The following SYNE1 variants were observed in gnomAD, a reference collection of about 807,000 sequenced individuals.
The protein encoded by SYNE1 is spectrin repeat containing nuclear envelope protein 1.
A neutral mutation model predicts 1,111.0 loss-of-function variants in SYNE1; 616 were observed. The observed-to-expected ratio is 0.55, with a 90% CI of 0.52 to 0.59. SYNE1 has a LOEUF of 0.59. Ranked by LOEUF, SYNE1 falls within the 20% of genes least tolerant of loss-of-function variation. The pLI, the probability that SYNE1 is intolerant of heterozygous loss-of-function variation, is 0.00. For synonymous variants in SYNE1, 3,855 were observed against 3,825.8 expected, an observed-to-expected ratio of 1.01 and a Z score of -0.28; for missense variants, 10,006 against 10,417.0, an observed-to-expected ratio of 0.96 and a Z score of 1.72.
chr6:152,488,835 T>C (rs2154301021), intron 11 of SYNE1, among the ~76,000 whole-genome samples: 1 of 152,236 alleles, frequency 6.6e-6, no homozygotes, highest in South Asian at 2.1e-4. Context: ...AACACAGTCC[T>C]GTGGGTTGCT....
rs2098102360 is a variant in SYNE1, at chr6:152,413,445, G to T, written c.6137C>A (p.Ala2046Asp). The T allele has an allele frequency of 6.8e-6, 11 of 1,613,962 alleles. No individual in the cohort carries two copies. Among genetic ancestry groups the T allele is most frequent in the Non-Finnish European group, 7.6e-6 (9 of 1,180,016 alleles). Residue 2046 changes from alanine to aspartate, a missense_variant, in exon 42 of 146, where the codon GCC (alanine) becomes GAC (aspartate). Transcript: ENST00000367255. Reference sequence around the variant, plus strand: ...AGGTGCAAAAGCTACATCTTTCTGGGCAATTTGCTTGGCTTTGTCTTTCAA... The same window carrying T: ...AGGTGCAAAAGCTACATCTTTCTGGTCAATTTGCTTGGCTTTGTCTTTCAA... ...CWLKDKAKQI[A>D]QKDVAFAPEV...
intron 3 of SYNE1, among the ~76,000 whole-genome samples, chr6:152,610,078 T>C (rs531987025): frequency 6.6e-6 from 1 of 152,182 alleles, no homozygotes; most frequent in Non-Finnish European, 1.5e-5. Context: ...AACACCAGAG[T>C]GCCTCTTCTC....
chr6:152,161,803 G>A (rs1288794814), intron 131 of SYNE1, among the ~76,000 whole-genome samples: 2 of 152,138 alleles, frequency 1.3e-5, no homozygotes, highest in African/African-American at 4.8e-5. Flanking sequence ...GTTACCTTAA[G>A]TATCACTAAT....
At chr6:152,617,466 T>C (rs1583507501) in intron 3 of SYNE1, among the ~76,000 whole-genome samples, 1 of 152,232 alleles carries the variant, frequency 6.6e-6, no homozygotes, top group African/African-American at 2.4e-5. Flanking sequence ...ACAAAGTCTG[T>C]AAGTTACGTT....
At position 152,521,913 on chromosome 6, in the gene SYNE1, T is replaced by C. The variant is rs77004545; in HGVS notation, c.226-1371A>G. ...ATTTTTGTGTCTTATTGAATAATTG[T>C]TTTCCTATCCCTGTGTCTAAAACAT... On this transcript the variant is annotated intron_variant, in intron 5 of 145. Coordinates refer to ENST00000367255, the MANE Select transcript of SYNE1 (RefSeq NM_182961.4). 4.2e-3 allele frequency among the ~76,000 whole-genome samples: 633 copies of C among 152,250 alleles called. 4 individuals carry two copies. The highest frequency in any genetic ancestry group is 0.014 in the African/African-American group (601 of 41,564).
At chr6:152,574,029 A>G (rs1320810707) in intron 3 of SYNE1, among the ~76,000 whole-genome samples, 1 of 152,064 alleles carries the variant, frequency 6.6e-6, no homozygotes, top group Non-Finnish European at 1.5e-5. Context: ...TTTATGAGTT[A>G]CAGATTCTTA....
intron 87 of SYNE1, among the ~76,000 whole-genome samples, chr6:152,314,505 C>T (rs1169620675): frequency 6.6e-6 from 1 of 152,146 alleles, no homozygotes; most frequent in Non-Finnish European, 1.5e-5. Flanking sequence ...TGGGCTCCTT[C>T]AGCACCTGGG....
In SYNE1 at chr6:152,401,139, T is replaced by C. The variant is rs1454611588; in HGVS notation, c.7028A>G (p.Lys2343Arg). The stretch of plus-strand genomic sequence containing the variant: ...ACTTAATGATAGTTTATTACCTACC[T>C]TGACTTTTTTCAATGCTTCACAAGT... ...NETCEALKKV[K>R]DIQKELQSQQ... is the part of the protein sequence containing the mutation. Residue 2343 changes from lysine (K) to arginine (R), a missense_variant and splice_region_variant, in exon 47 of 146, where the codon AAG (lysine) becomes AGG (arginine). This residue lies in a region of SYNE1 where 4,955 missense variants were observed against 5,017.2 expected (regional missense o/e 0.99). Coordinates refer to ENST00000367255, the MANE Select transcript of SYNE1 (RefSeq NM_182961.4). 1 of 1,613,842 alleles carries C rather than the reference T, an allele frequency of 6.2e-7. No homozygotes were observed.
chr6:152,534,975 A>G (rs1296141560), intron 4 of SYNE1, among the ~76,000 whole-genome samples: 1 of 152,268 alleles, frequency 6.6e-6, no homozygotes, highest in Non-Finnish European at 1.5e-5. Flanking sequence ...GGAATCTGTT[A>G]TAGGTTGAAT....
At chr6:152,353,533 C>A in intron 68 of SYNE1, 56 bp downstream of exon 68, 1 of 1,613,970 alleles carries the variant, frequency 6.2e-7, no homozygotes, top group Non-Finnish European at 8.5e-7. Context: ...GAAAGGAAGG[C>A]TATTTTGGCT....
At chr6:152,393,227 TG>T (rs1038204983) in intron 51 of SYNE1, among the ~76,000 whole-genome samples, 24 of 152,168 alleles carry the variant, frequency 1.6e-4, no homozygotes, top group African/African-American at 5.8e-4. Flanking sequence ...GAAGTATATT[TG>T]GGCCACTTTC....
chr6:152,192,035 C>A (rs920551365), intron 127 of SYNE1, among the ~76,000 whole-genome samples: 1 of 151,992 alleles, frequency 6.6e-6, no homozygotes, highest in Non-Finnish European at 1.5e-5. Context: ...AGTTTAATTT[C>A]TATGTGTTTG....
intron 5 of SYNE1, among the ~76,000 whole-genome samples, chr6:152,522,304 A>G (rs775058491): frequency 8.5e-5 from 13 of 152,068 alleles, no homozygotes; most frequent in Non-Finnish European, 1.9e-4. Flanking sequence ...GTGAGAATAT[A>G]TAGTATTTAG....
Position 152,278,125 on chromosome 6 carries a change from CA to C in SYNE1, c.18536del (p.Leu6179ArgfsTer26). On this transcript the variant is annotated frameshift_variant, in exon 98 of 146. Coordinates refer to ENST00000367255, the MANE Select transcript of SYNE1 (RefSeq NM_182961.4). LOFTEE classifies it high-confidence loss of function. ...GCTGCTTATCATGCAGGGCTCTCTG[CA>C]GCTCCAGCAGGCTCCCCTTGAGCCT... ...LRRLKGSLLE[L>X]QRALHDKQLN... The C allele has an allele frequency of 2.5e-6, 4 of 1,614,072 alleles. No homozygotes were observed. Among genetic ancestry groups the C allele is most frequent in the Non-Finnish European group, 3.4e-6 (4 of 1,180,040 alleles).
At chr6:152,247,776 CACACATAT>C (rs1296349773) in intron 105 of SYNE1, among the ~76,000 whole-genome samples, 5 of 142,792 alleles carry the variant, frequency 3.5e-5, no homozygotes, top group South Asian at 2.2e-4. Context: ...CACACACACA[CACACATAT>C]ATTTTTAAAA....
Position 152,233,896 on chromosome 6 carries a change from A to T in SYNE1, c.20597T>A (p.Leu6866His). 6.2e-7 allele frequency: 1 copy of T among 1,614,164 alleles called. No homozygotes were observed. Among genetic ancestry groups the T allele is most frequent in the Non-Finnish European group, 8.5e-7 (1 of 1,180,032 alleles). Residue 6866 changes from leucine (L) to histidine (H), a missense_variant, in exon 112 of 146, where the codon CTC (leucine) becomes CAC (histidine). Leu to His is a moderately conservative substitution (Grantham distance 99, BLOSUM62 -3). Transcript: ENST00000367255. ...KSSVLSTGNQ[L>H]LRLKKVDTAT... ...TGTGTCCACCTTTTTTAGTCGAAGG[A>T]GCTGATTTCCAGTACTCAGAACAGA...
Position 152,404,267 on chromosome 6 carries a change from T to G in SYNE1, c.6771A>C (p.Lys2257Asn), listed in dbSNP as rs1193265581. Residue 2257 changes from lysine to asparagine, a missense_variant, in exon 46 of 146, where the codon AAA becomes AAC. Lys to Asn is a moderately conservative substitution (Grantham distance 94). Around this residue, in one of 7 missense-constraint regions of SYNE1, gnomAD observed 4,955 missense variants for 5,017.2 expected, o/e 0.99. Transcript: ENST00000367255. ...KALRLEELHS[K>N]VNDLKELTKN... ...TAGTTAATTCTTTCAGATCATTAACTTTGGAATGCAGTTCTTCCAATCTCA... is the reference window on the plus strand; with the variant it reads ...TAGTTAATTCTTTCAGATCATTAACGTTGGAATGCAGTTCTTCCAATCTCA... The G allele has an allele frequency of 2.5e-6, 4 of 1,613,158 alleles. No individual in the cohort carries two copies. The highest frequency in any genetic ancestry group is 1.7e-5 in the Admixed American group (1 of 60,000).
At chr6:152,169,368 C>T (rs952970177) in intron 130 of SYNE1, among the ~76,000 whole-genome samples, 11 of 151,762 alleles carry the variant, frequency 7.2e-5, no homozygotes, top group Non-Finnish European at 1.0e-4. Context: ...CAAGACCATC[C>T]TGGCTAACAC....
At chr6:152,140,893 G>A (rs983027385) in intron 139 of SYNE1, among the ~76,000 whole-genome samples, 1 of 152,108 alleles carries the variant, frequency 6.6e-6, no homozygotes, top group African/African-American at 2.4e-5. Flanking sequence ...AATTTAGCTG[G>A]GCGTGGTGGC....
Sources: gnomAD v4.1 joint callset for allele counts (sites outside exome capture counted in the v4.1 genomes callset) on GRCh38, gnomAD v4.1.1 for gene constraint, gnomAD v4.1.1 regional missense constraint, MANE v1.5 for transcripts, NCBI Gene and HGNC (gene_info 2026-07-23, HGNC 2026-07-21) for gene names.